FOXN1: variants seen among roughly 807,000 people sequenced by gnomAD.
The protein encoded by FOXN1 is forkhead box protein N1.
A neutral mutation model predicts 49.0 loss-of-function variants in FOXN1; 15 were observed. The observed-to-expected ratio is 0.31, with a 90% CI of 0.20 to 0.47. FOXN1 has a LOEUF of 0.47. FOXN1 is among the 20% of genes least tolerant of loss of function. The pLI is 1.00. For synonymous variants in FOXN1, 356 were observed against 369.0 expected, an observed-to-expected ratio of 0.96 and a Z score of 0.40; for missense variants, 800 against 842.8, an observed-to-expected ratio of 0.95 and a Z score of 0.63.
intron 1 of FOXN1, among the ~76,000 whole-genome samples, chr17:28,515,224 C>A (rs1320831570): frequency 6.6e-6 from 1 of 151,970 alleles, no homozygotes; most frequent in African/African-American, 2.4e-5. Context: ...TACACCTTTA[C>A]AGGGTACATA....
chr17:28,523,869 G>A lies in FOXN1; in HGVS notation c.-14-87G>A, dbSNP rs542705622. 1.1e-5 allele frequency: 14 copies of A among 1,223,838 alleles called. No homozygotes were observed. In the East Asian group the frequency reaches 3.3e-4, roughly 29 times the overall value. The allele number at this position is 1,223,838 out of a possible 1,614,324, so 75.8% of individuals were successfully genotyped here. On this transcript the variant is annotated intron_variant, in intron 1 of 8. Transcript: ENST00000579795. ...GACTGGAGGCAGGGTCCCAGCCCAA[G>A]GATGGGGTTGGGGTGGAGGTGGCGA...
At chr17:28,509,412 C>T (rs1178978798) in intron 1 of FOXN1, among the ~76,000 whole-genome samples, 1 of 152,152 alleles carries the variant, frequency 6.6e-6, no homozygotes, top group Non-Finnish European at 1.5e-5. Context: ...AACCACACTC[C>T]TATCCCCATC....
chr17:28,537,388 C>A lies in FOXN1; in HGVS notation c.1899C>A (p.Gly633=), dbSNP rs1194196623. The A allele has an allele frequency of 1.2e-6, 2 of 1,613,050 alleles. No individual in the cohort carries two copies. Among genetic ancestry groups the A allele is most frequent in the Non-Finnish European group, 1.7e-6 (2 of 1,179,582 alleles). ...CCACGCCCCCCACGGCCCCTGCAGG[C>A]CCCTCTGTGTACCTCAGCCCCAGCT... ...LEPTPPTAPA[G]PSVYLSPSSK... Residue 633 remains glycine, a synonymous_variant, in exon 9 of 9, where the codon GGC becomes GGA. Transcript: ENST00000579795.
In FOXN1 at chr17:28,534,882, C is replaced by A. The variant is rs1185811723; in HGVS notation, c.1311C>A (p.Asn437Lys). The A allele has an allele frequency of 6.8e-6, 11 of 1,614,096 alleles. No individual in the cohort carries two copies. The Middle Eastern group carries it at 8.2e-4, about 121-fold the overall frequency. The change falls in exon 8 of 9, where the codon AAC becomes AAA. Residue 437 changes from asparagine (N) to lysine (K), a missense_variant. This residue lies in a region of FOXN1 where 344 missense variants were observed against 366.1 expected (regional missense o/e 0.94). Coordinates refer to ENST00000579795, the MANE Select transcript of FOXN1 (RefSeq NM_001369369.1). This position sits in a 1 kb window ranked among gnomAD's most constrained non-coding sequence, Gnocchi z 4.1. Reference protein sequence around the residue: ...HPAPGPIPGKNPLQDLLMGHT... With the variant: ...HPAPGPIPGKKPLQDLLMGHT... ...CTCCAGGCCCCATTCCTGGCAAGAA[C>A]CCCCTGCAGGACCTACTTATGGGGC...
In FOXN1 at chr17:28,524,976, T is replaced by C. The variant is rs747686550; in HGVS notation, c.588+9T>C. 5 of 1,592,276 alleles carry C rather than the reference T, an allele frequency of 3.1e-6. No individual in the cohort carries two copies. The East Asian group carries it at 8.9e-5, about 28-fold the overall frequency. On this transcript the variant is annotated intron_variant, in intron 3 of 8. Transcript: ENST00000579795. ...ATGGCCCCCAAGTCCTGGTGAGTACTAGTGGCCAGCGAGTGTCCCATCTTC... is the reference window on the plus strand; with the variant it reads ...ATGGCCCCCAAGTCCTGGTGAGTACCAGTGGCCAGCGAGTGTCCCATCTTC...
intron 1 of FOXN1, among the ~76,000 whole-genome samples, chr17:28,513,140 C>T (rs2069426651): frequency 6.6e-6 from 1 of 152,116 alleles, no homozygotes; most frequent in South Asian, 2.1e-4. Context: ...TTGGTGCTGC[C>T]CGCCTGTAAT....
chr17:28,530,014 TAAA>T (rs59048773), intron 5 of FOXN1, among the ~76,000 whole-genome samples: 26 of 128,968 alleles, frequency 2.0e-4, no homozygotes, highest in East Asian at 6.5e-4. Flanking sequence ...TATTCCTCTT[TAAA>T]AAAAAAAAAA....
rs750483849 is a variant in FOXN1, at chr17:28,524,004, C to T, written c.35C>T (p.Thr12Met). ...CTACCCCCGCCGCAGTCTGACGTCA[C>T]GCTGCCGGGCCCCACCAGACTGGAG... The part of the protein sequence containing the change: ...VSLPPPQSDV[T>M]LPGPTRLEGE... The change falls in exon 2 of 9, where the codon ACG (threonine) becomes ATG (methionine). Residue 12 changes from threonine (T) to methionine (M), a missense_variant. By Grantham distance (81) the Thr-to-Met change is moderately conservative. This residue lies in a region of FOXN1 where 383 missense variants were observed against 357.9 expected (regional missense o/e 1.07). Transcript: ENST00000579795. 20 of 1,612,990 alleles carry T rather than the reference C, an allele frequency of 1.2e-5. No individual in the cohort carries two copies. Among genetic ancestry groups the T allele is most frequent in the Admixed American group, 1.2e-4 (7 of 60,030 alleles).
intron 2 of FOXN1, 67 bp downstream of exon 2, chr17:28,524,159 C>T: frequency 6.7e-7 from 1 of 1,502,372 alleles, no homozygotes; most frequent in Non-Finnish European, 9.0e-7. Flanking sequence ...ACAAGAAGAC[C>T]AGTCACCTTA....
At chr17:28,508,827 CCCCTCTGTCCTT>C (rs1321601362) in intron 1 of FOXN1, among the ~76,000 whole-genome samples, 9 of 152,308 alleles carry the variant, frequency 5.9e-5, no homozygotes, top group African/African-American at 2.2e-4. Flanking sequence ...GGTATGCCCT[CCCCTCTGTCCTT>C]CCAAATCACA....
intron 8 of FOXN1, among the ~76,000 whole-genome samples, chr17:28,535,938 C>T (rs1397731917): frequency 6.6e-6 from 1 of 152,176 alleles, no homozygotes; most frequent in African/African-American, 2.4e-5. Flanking sequence ...CTGGGCAAGT[C>T]CTGGAGAGAT....
intron 1 of FOXN1, among the ~76,000 whole-genome samples, chr17:28,511,219 T>C (rs1437250865): frequency 6.6e-6 from 1 of 152,282 alleles, no homozygotes; most frequent in East Asian, 1.9e-4. Context: ...CAAGATGGCA[T>C]TGGGAGAGGA....
chr17:28,516,048 C>T (rs1298916802), intron 1 of FOXN1, among the ~76,000 whole-genome samples: 2 of 151,782 alleles, frequency 1.3e-5, no homozygotes, highest in Non-Finnish European at 2.9e-5. Flanking sequence ...GGATCCATAA[C>T]TCCACAGGAT....
At chr17:28,510,548 G>A (rs533361585) in intron 1 of FOXN1, among the ~76,000 whole-genome samples, 115 of 142,866 alleles carry the variant, frequency 8.0e-4, no homozygotes, top group Middle Eastern at 4.1e-3. Flanking sequence ...GAATGTACAT[G>A]AGGAAGGACA....
At position 28,524,493 on chromosome 17, in the gene FOXN1, G is replaced by A. The variant is rs569015627; in HGVS notation, c.124-10G>A. On this transcript the variant is annotated splice_polypyrimidine_tract_variant and intron_variant, in intron 2 of 8. Transcript: ENST00000579795. ...TCCACTCACAGGCTCGCTACTCTCTGTCTACCCAGAAGCATGCCGGCTTCA... is the reference window on the plus strand; with the variant it reads ...TCCACTCACAGGCTCGCTACTCTCTATCTACCCAGAAGCATGCCGGCTTCA... 6.2e-7 allele frequency: 1 copy of A among 1,613,068 alleles called. No individual in the cohort carries two copies. The highest frequency in any genetic ancestry group is 1.1e-5 in the South Asian group (1 of 91,072).
intron 1 of FOXN1, among the ~76,000 whole-genome samples, chr17:28,508,724 C>G (rs1272402974): frequency 3.9e-5 from 6 of 152,156 alleles, no homozygotes; most frequent in African/African-American, 1.4e-4. Flanking sequence ...CTCTTATTCT[C>G]TCTGACTCCA....
At position 28,506,436 on chromosome 17, in the gene FOXN1, C is replaced by T. The variant is rs2151470276; in HGVS notation, c.-22C>T. The T allele has an allele frequency of 6.6e-6, 1 of 152,482 alleles. No homozygotes were observed. The highest frequency in any genetic ancestry group is 1.5e-5 in the Non-Finnish European group (1 of 68,130). The allele number at this position is 152,482 out of a possible 1,614,324, so 9.4% of individuals were successfully genotyped here. ...CGGGCCCCCACGCCGACCTGCTTCA[C>T]TGAGCAGGTAAGAGGAGCCCCGGCC... is the stretch of plus-strand genomic sequence containing the variant. On this transcript the variant is annotated 5_prime_UTR_variant, in exon 1 of 9. Coordinates refer to ENST00000579795, the MANE Select transcript of FOXN1 (RefSeq NM_001369369.1).
intron 4 of FOXN1, among the ~76,000 whole-genome samples, chr17:28,528,028 A>G (rs1345150746): frequency 6.6e-6 from 1 of 152,202 alleles, no homozygotes; most frequent in Non-Finnish European, 1.5e-5. Flanking sequence ...GGCAAGACAG[A>G]GCAAGTGGCT....
Position 28,516,831 on chromosome 17 carries a change from T to A in FOXN1, c.-14-7125T>A, listed in dbSNP as rs550362258. Reference sequence around the variant, plus strand: ...TACACACCTCCACAGGATACACACCTCCACAGGGTACACACCTCCACAGGG... The same window carrying A: ...TACACACCTCCACAGGATACACACCACCACAGGGTACACACCTCCACAGGG... On this transcript the variant is annotated intron_variant, in intron 1 of 8. Transcript: ENST00000579795. Among the ~76,000 whole-genome samples the A allele has an allele frequency of 1.6e-3, 105 of 66,088 alleles. 30 individuals are homozygous for A. The highest frequency in any genetic ancestry group is 0.01 in the Middle Eastern group (1 of 96). The allele number at this position is 66,088 out of a possible 152,430, so 43.4% of individuals were successfully genotyped here. A position where few individuals can be genotyped will look rare whatever the true frequency, so the allele number is the denominator to read the frequency against.
Sources: gnomAD v4.1 joint callset for allele counts (sites outside exome capture counted in the v4.1 genomes callset) on GRCh38, gnomAD v4.1.1 for gene constraint, gnomAD v4.1.1 regional missense constraint, Gnocchi (gnomAD v3.1) non-coding constraint, MANE v1.5 for transcripts, NCBI Gene and HGNC (gene_info 2026-07-23, HGNC 2026-07-21) for gene names.